The following ARMC2 variants were observed in gnomAD, a reference collection of about 807,000 sequenced individuals.
ARMC2 encodes the protein armadillo repeat containing 2, also known as armadillo repeat-containing protein 2.
In ARMC2, 67 loss-of-function variants were observed where a neutral mutation model predicts 90.3. The ratio of observed to expected loss-of-function variants is 0.74; its 90% confidence interval spans 0.61 to 0.91. The LOEUF (loss-of-function observed/expected upper bound fraction) is 0.91. ARMC2 is among the 40% of genes least tolerant of loss of function. The probability of loss-of-function intolerance (pLI) is 0.00; values close to 1 mark genes in which losing one functional copy is unlikely to be tolerated. For missense variants in ARMC2, 920 were observed against 1,030.9 expected, an observed-to-expected ratio of 0.89 and a Z score of 1.47; for synonymous variants, 393 against 393.0, an observed-to-expected ratio of 1.00 and a Z score of 0.00.
chr6:108,992,796 A>G, the ARMC2 span: 2 of 1,610,570 alleles, frequency 1.2e-6, no homozygotes, highest in African/African-American at 2.7e-5. Context: ...CCTGGACACG[A>G]AATGTTGGAA....
In ARMC2 at chr6:108,928,816, C is replaced by G. The variant is rs1197763245; in HGVS notation, c.1496+583C>G. Among the ~76,000 whole-genome samples, 3 of 152,238 alleles carry G rather than the reference C, an allele frequency of 2.0e-5. No homozygotes were observed. The East Asian group carries it at 5.8e-4, about 29-fold the overall frequency. On this transcript the variant is annotated intron_variant, in intron 11 of 17. Coordinates refer to ENST00000392644, the MANE Select transcript of ARMC2 (RefSeq NM_032131.6). ...TTATGCATTTCTGTTTCCTCCCGCG[C>G]TGCTCTTTGTCAGTATTTTTACATA...
intron 10 of ARMC2, among the ~76,000 whole-genome samples, chr6:108,919,321 G>C (rs571114383): frequency 6.6e-6 from 1 of 152,284 alleles, no homozygotes; most frequent in East Asian, 1.9e-4. Flanking sequence ...GTGTACTTAT[G>C]CTGGAAATTA....
intron 3 of ARMC2, among the ~76,000 whole-genome samples, chr6:108,859,479 T>A (rs766011514): frequency 5.9e-5 from 9 of 152,192 alleles, no homozygotes; most frequent in Non-Finnish European, 1.2e-4. Context: ...TTTTTTCTTC[T>A]CTGGAAGTTT....
chr6:108,888,652 C>G (rs1770627940), intron 5 of ARMC2, among the ~76,000 whole-genome samples: 1 of 152,220 alleles, frequency 6.6e-6, no homozygotes, highest in African/African-American at 2.4e-5. Flanking sequence ...CTTGATGCCT[C>G]TCTTCCCCAT....
chr6:109,008,861 T>C, the ARMC2 span: 1 of 985,812 alleles, frequency 1.0e-6, no homozygotes, highest in South Asian at 4.7e-5. Flanking sequence ...CATCATCTCT[T>C]CCCTGAGTCA....
chr6:109,048,846 C>T, the ARMC2 span, among the ~76,000 whole-genome samples: 1 of 152,154 alleles, frequency 6.6e-6, no homozygotes, highest in Non-Finnish European at 1.5e-5. Flanking sequence ...TGGGATATGG[C>T]CATATATCAC....
rs1157687279 is a variant in ARMC2 at position 108,964,980 on chromosome 6, G to A, written c.2286G>A (p.Lys762=). The stretch of plus-strand genomic sequence containing the variant: ...CTCAATTTGAATTTTATTAACTCAG[G>A]TTAGTGGACTGTTTAAGAGATTTGG... The part of the protein sequence containing the change: ...VILKEGGGIK[K]LVDCLRDLGP... The change falls in exon 17 of 18, where the codon AAG becomes AAA. Residue 762 remains lysine, a splice_region_variant and synonymous_variant. Transcript: ENST00000392644. 6.2e-7 allele frequency: 1 copy of A among 1,601,994 alleles called. No homozygotes were observed.
At chr6:108,901,417 AT>A (rs55855100) in intron 7 of ARMC2, among the ~76,000 whole-genome samples, 6 of 145,388 alleles carry the variant, frequency 4.1e-5, no homozygotes, top group East Asian at 2.0e-4. Flanking sequence ...ACCTGGCCTA[AT>A]TTTTTTTTTT....
intron 5 of ARMC2, among the ~76,000 whole-genome samples, chr6:108,880,925 G>C (rs557516395): frequency 2.6e-5 from 4 of 151,100 alleles, no homozygotes; most frequent in Non-Finnish European, 5.9e-5. Flanking sequence ...GCACAATCTT[G>C]GCTCACTGCA....
intron 11 of ARMC2, among the ~76,000 whole-genome samples, chr6:108,931,992 C>T (rs1041581580): frequency 2.0e-5 from 3 of 151,638 alleles, no homozygotes; most frequent in South Asian, 2.1e-4. Context: ...CTTGAACTCC[C>T]GACCTCAGGT....
rs774137799 is a variant in ARMC2, at chr6:108,969,808, G to A, written c.2447-3549G>A. Among the ~76,000 whole-genome samples the A allele has an allele frequency of 5.3e-5, 8 of 152,282 alleles. No individual in the cohort carries two copies. The East Asian group carries it at 7.7e-4, about 15-fold the overall frequency. Reference sequence around the variant, plus strand: ...TGTAATCCCAGCACTTTGGGAGGACGAGGTGGGAGAATCACTTGAGGCTAG... The same window carrying A: ...TGTAATCCCAGCACTTTGGGAGGACAAGGTGGGAGAATCACTTGAGGCTAG... On this transcript the variant is annotated intron_variant, in intron 17 of 17. Transcript: ENST00000392644.
At chr6:108,853,929 A>G (rs902486214) in intron 1 of ARMC2, among the ~76,000 whole-genome samples, 3 of 152,140 alleles carry the variant, frequency 2.0e-5, no homozygotes, top group Non-Finnish European at 4.4e-5. Context: ...GCTGAAGACC[A>G]TGAGATGATT....
the ARMC2 span, among the ~76,000 whole-genome samples, chr6:109,006,305 T>G: frequency 6.6e-6 from 1 of 152,066 alleles, no homozygotes; most frequent in African/African-American, 2.4e-5. Flanking sequence ...TTTTTTTAAT[T>G]TTTAAAATTA....
the ARMC2 span, chr6:108,987,431 A>T: frequency 1.7e-6 from 1 of 589,124 alleles, no homozygotes; most frequent in East Asian, 2.8e-5. Context: ...GAATCATGGC[A>T]CAATGGATTT....
intron 17 of ARMC2, among the ~76,000 whole-genome samples, chr6:108,965,456 T>TA (rs1482179416): frequency 2.1e-5 from 3 of 141,138 alleles, no homozygotes; most frequent in Non-Finnish European, 4.5e-5. Context: ...CAAAAGCAAA[T>TA]AGACACTATT....
chr6:108,984,228 G>A, the ARMC2 span, among the ~76,000 whole-genome samples: 2 of 152,266 alleles, frequency 1.3e-5, no homozygotes, highest in South Asian at 4.1e-4. Context: ...AAAAGGTTGG[G>A]GACTGCTGCT....
At chr6:108,986,970 T>C in the ARMC2 span, 1 of 152,678 alleles carries the variant, frequency 6.5e-6, no homozygotes, top group Non-Finnish European at 1.5e-5. Flanking sequence ...CTGAGCTGTG[T>C]GAGTAGGAAT....
At chr6:108,897,908 G>T (rs1176414896) in intron 6 of ARMC2, among the ~76,000 whole-genome samples, 1 of 151,894 alleles carries the variant, frequency 6.6e-6, no homozygotes, top group Non-Finnish European at 1.5e-5. Context: ...ATATTAATAT[G>T]GATATTTACT....
the ARMC2 span, among the ~76,000 whole-genome samples, chr6:109,025,993 A>C: frequency 6.6e-6 from 1 of 152,082 alleles, no homozygotes; most frequent in Non-Finnish European, 1.5e-5. Flanking sequence ...ATGCAGAATA[A>C]CTTAAAAAAA....
Sources: gnomAD v4.1 joint callset for allele counts (sites outside exome capture counted in the v4.1 genomes callset) on GRCh38, gnomAD v4.1.1 for gene constraint, MANE v1.5 for transcripts, NCBI Gene and HGNC (gene_info 2026-07-23, HGNC 2026-07-21) for gene names.